The following LFNG variants were observed in gnomAD, a reference collection of about 807,000 sequenced individuals.
LFNG encodes LFNG O-fucosylpeptide 3-beta-N-acetylglucosaminyltransferase.
LFNG carries 15 observed loss-of-function variants against 32.7 expected under a neutral mutation model. That is an observed-to-expected ratio of 0.46 (90% CI 0.31 to 0.71). The LOEUF (loss-of-function observed/expected upper bound fraction) is 0.71, where lower values mean the gene tolerates loss of function less well. LFNG is among the 30% of genes least tolerant of loss of function. LFNG has a pLI of 0.06. For missense variants in LFNG, 520 were observed against 545.7 expected (o/e 0.95, Z 0.47); for synonymous variants, 274 against 246.8 (o/e 1.11, Z -1.03).
Position 2,520,195 on chromosome 7 carries a change from C to T in LFNG, c.334C>T (p.Pro112Ser). Residue 112 changes from proline to serine, a missense_variant, in exon 1 of 8, where the codon CCC becomes TCC. This residue lies in a region of LFNG where 360 missense variants were observed against 354.7 expected (regional missense o/e 1.01). Transcript: ENST00000222725. This position sits in a 1 kb window ranked among gnomAD's most constrained non-coding sequence, Gnocchi z 5.0. ...GCGCCCCCTGGCCGAGCCGCTCGCG[C>T]CCCGAGACGTCTTCATCGCTGTCAA... ...HPRPLAEPLAPRDVFIAVKTT... is the reference protein window; with the variant it reads ...HPRPLAEPLASRDVFIAVKTT... 2 of 1,594,004 alleles carry T rather than the reference C, an allele frequency of 1.3e-6. No individual in the cohort carries two copies. Among genetic ancestry groups the T allele is most frequent in the Non-Finnish European group, 8.5e-7 (1 of 1,171,420 alleles).
In LFNG at chr7:2,526,855, T is replaced by C. The variant is rs1235325847; in HGVS notation, c.1007T>C (p.Met336Thr). ...CCACAGGTGACGCTGAGCTACGGTA[T>C]GTTTGAAAACAAGCGGAACGCCGTC... The part of the protein sequence containing the change: ...LHEQVTLSYG[M>T]FENKRNAVHV... The change falls in exon 7 of 8, where the codon ATG (methionine) becomes ACG (threonine). Residue 336 changes from methionine (M) to threonine (T), a missense_variant. Physicochemically the swap from Met to Thr is moderately conservative, Grantham distance 81. This residue lies in a region of LFNG where 150 missense variants were observed against 159.9 expected (regional missense o/e 0.94). Coordinates refer to ENST00000222725, the MANE Select transcript of LFNG (RefSeq NM_001040167.2). The surrounding 1 kb of genome is among the most constrained non-coding windows in gnomAD (Gnocchi z 6.9). 6.2e-7 allele frequency: 1 copy of C among 1,612,122 alleles called. No individual in the cohort carries two copies. Among genetic ancestry groups the C allele is most frequent in the African/African-American group, 1.3e-5 (1 of 74,780 alleles).
Position 2,527,101 on chromosome 7 carries a change from C to A in LFNG, c.1074-45C>A. 5 of 1,585,864 alleles carry A rather than the reference C, an allele frequency of 3.2e-6. No individual in the cohort carries two copies. The highest frequency in any genetic ancestry group is 4.3e-6 in the Non-Finnish European group (5 of 1,156,918). ...TGGGACTGCAAATGGGAGCTCAGCA[C>A]CTGCCTGCCACCCACGCAGACCAGC... On this transcript the variant is annotated intron_variant, in intron 7 of 7. Coordinates refer to ENST00000222725, the MANE Select transcript of LFNG (RefSeq NM_001040167.2). The surrounding 1 kb of genome is among the most constrained non-coding windows in gnomAD (Gnocchi z 4.4).
rs772983783 is a variant in LFNG at position 2,527,109 on chromosome 7, C to T, written c.1074-37C>T. 8.8e-6 allele frequency: 14 copies of T among 1,595,200 alleles called. No individual in the cohort carries two copies. Among genetic ancestry groups the T allele is most frequent in the South Asian group, 3.3e-5 (3 of 90,708 alleles). The stretch of plus-strand genomic sequence containing the variant: ...CAAATGGGAGCTCAGCACCTGCCTG[C>T]CACCCACGCAGACCAGCCCCTGCTC... On this transcript the variant is annotated intron_variant, in intron 7 of 7. Coordinates refer to ENST00000222725, the MANE Select transcript of LFNG (RefSeq NM_001040167.2). The surrounding 1 kb of genome is among the most constrained non-coding windows in gnomAD (Gnocchi z 4.4).
rs777893462 is a variant in LFNG, at chr7:2,512,704, G to A, written c.47+3G>A. 5 of 1,613,530 alleles carry A rather than the reference G, an allele frequency of 3.1e-6. No individual in the cohort carries two copies. The South Asian group carries it at 4.4e-5, about 14-fold the overall frequency. Reference sequence around the variant, plus strand: ...AGGCTGGACACGTATTGTATGAGGTGGGCCTCAGGGTTGCTTTTCCTCCTA... The same window carrying A: ...AGGCTGGACACGTATTGTATGAGGTAGGCCTCAGGGTTGCTTTTCCTCCTA... On this transcript the variant is annotated splice_donor_region_variant and intron_variant, in intron 1 of 8. Coordinates refer to the LFNG transcript ENST00000402506.
At chr7:2,525,173 C>G (rs1005637135) in intron 2 of LFNG, 46 bp from the exon 3 acceptor site, 3 of 1,550,302 alleles carry the variant, frequency 1.9e-6, no homozygotes, top group Non-Finnish European at 2.7e-6. Flanking sequence ...AGGCCCCTCT[C>G]TGGGAGCCGG....
chr7:2,527,397 C>T lies in LFNG; in HGVS notation c.*185C>T. Reference sequence around the variant, plus strand: ...TAGCAGGCTGCTGGGCAGTTCTGCTCTGTGGAGGGGCGGGCACCAGCGCCA... The same window carrying T: ...TAGCAGGCTGCTGGGCAGTTCTGCTTTGTGGAGGGGCGGGCACCAGCGCCA... On this transcript the variant is annotated 3_prime_UTR_variant, in exon 8 of 8. Coordinates refer to ENST00000222725, the MANE Select transcript of LFNG (RefSeq NM_001040167.2). The surrounding 1 kb of genome is among the most constrained non-coding windows in gnomAD (Gnocchi z 4.4). The T allele has an allele frequency of 6.8e-7, 1 of 1,480,428 alleles. No individual in the cohort carries two copies. The highest frequency in any genetic ancestry group is 9.0e-7 in the Non-Finnish European group (1 of 1,116,016). 91.7% of individuals were successfully genotyped at this position (1,480,428 alleles called of 1,614,324 possible). A position where few individuals can be genotyped will look rare whatever the true frequency, so the allele number is the denominator to read the frequency against.
upstream of LFNG, chr7:2,517,671 A>C (rs560593947): frequency 7.4e-5 from 34 of 458,504 alleles, no homozygotes; most frequent in South Asian, 5.3e-4. Context: ...GCAGGGTGGC[A>C]TGGCACCCAC....
rs150935549 is a variant in LFNG, at chr7:2,527,332, G to GTGTGCGTGTGCA, written c.*130_*131insCATGTGCGTGTG. 6 of 1,526,278 alleles carry GTGTGCGTGTGCA rather than the reference G, an allele frequency of 3.9e-6. No individual in the cohort carries two copies. In the East Asian group the frequency reaches 7.4e-5, roughly 19 times the overall value. The allele number at this position is 1,526,278 out of a possible 1,614,324, so 94.5% of individuals were successfully genotyped here. A position where few individuals can be genotyped will look rare whatever the true frequency, so the allele number is the denominator to read the frequency against. On this transcript the variant is annotated 3_prime_UTR_variant, in exon 8 of 8. Transcript: ENST00000222725. This position sits in a 1 kb window ranked among gnomAD's most constrained non-coding sequence, Gnocchi z 4.4. ...CCTAGGGCCGTGCCTGTGCGTGTGC[G>GTGTGCGTGTGCA]TGTGCGTGTGTGTGTGTGTGTACTG... is the stretch of plus-strand genomic sequence containing the variant.
At chr7:2,524,940 GC>G (rs1015792633) in intron 2 of LFNG, among the ~76,000 whole-genome samples, 197 bp downstream of exon 2, 1 of 152,200 alleles carries the variant, frequency 6.6e-6, no homozygotes, top group African/African-American at 2.4e-5. Context: ...AGCCCATTCA[GC>G]CCCCCGGGTC....
chr7:2,518,656 A>T, upstream of LFNG: 1 of 1,591,456 alleles, frequency 6.3e-7, no homozygotes, highest in African/African-American at 1.3e-5. Context: ...TCAGGCGTGA[A>T]CATAACTCCG....
chr7:2,518,501 C>T (rs544588837), upstream of LFNG: 3 of 901,514 alleles, frequency 3.3e-6, no homozygotes, highest in African/African-American at 1.6e-5. Context: ...GACATTTATC[C>T]AGTGAATTTT....
chr7:2,519,330 T>G, upstream of LFNG, among the ~76,000 whole-genome samples: 1 of 152,038 alleles, frequency 6.6e-6, no homozygotes, highest in East Asian at 1.9e-4. Context: ...GAAGCCGTGC[T>G]CAGGAGGGGA....
At chr7:2,517,407 T>TA (rs2128374057), upstream of LFNG, among the ~76,000 whole-genome samples, 1 of 152,152 alleles carries the variant, frequency 6.6e-6, no homozygotes, top group South Asian at 2.1e-4. Flanking sequence ...GAACCCCCCC[T>TA]ACCCAGTTCT....
chr7:2,527,590 C>G lies in LFNG; in HGVS notation c.*378C>G. ...GGATGCGATGCGTAGGTGCCTTTCTCTTCCTGCTGACCACAAGCTCTGTGC... is the reference window on the plus strand; with the variant it reads ...GGATGCGATGCGTAGGTGCCTTTCTGTTCCTGCTGACCACAAGCTCTGTGC... On this transcript the variant is annotated 3_prime_UTR_variant, in exon 8 of 8. Coordinates refer to ENST00000222725, the MANE Select transcript of LFNG (RefSeq NM_001040167.2). The surrounding 1 kb of genome is among the most constrained non-coding windows in gnomAD (Gnocchi z 4.4). 2 of 1,198,384 alleles carry G rather than the reference C, an allele frequency of 1.7e-6. No homozygotes were observed. The highest frequency in any genetic ancestry group is 3.3e-5 in the South Asian group (2 of 61,146). The allele number at this position is 1,198,384 out of a possible 1,614,324, so 74.2% of individuals were successfully genotyped here.
At chr7:2,515,709 A>G (rs1025113792), upstream of LFNG, among the ~76,000 whole-genome samples, 1 of 152,244 alleles carries the variant, frequency 6.6e-6, no homozygotes, top group African/African-American at 2.4e-5. Context: ...CCATATCCCT[A>G]TTACAGAGTC....
chr7:2,527,697 A>G lies in LFNG; in HGVS notation c.*485A>G. ...CACTGAGCCATGCTCATTGCAGGGG[A>G]GGCTGGGTCTGGGGGTGCGTGACCC... On this transcript the variant is annotated 3_prime_UTR_variant, in exon 8 of 8. Transcript: ENST00000222725. This position sits in a 1 kb window ranked among gnomAD's most constrained non-coding sequence, Gnocchi z 4.4. The G allele has an allele frequency of 9.3e-7, 1 of 1,073,964 alleles. No homozygotes were observed. Among genetic ancestry groups the G allele is most frequent in the Non-Finnish European group, 1.1e-6 (1 of 881,018 alleles). The allele number at this position is 1,073,964 out of a possible 1,614,324, so 66.5% of individuals were successfully genotyped here.
chr7:2,517,470 T>G (rs1315367094), upstream of LFNG, among the ~76,000 whole-genome samples: 2 of 152,168 alleles, frequency 1.3e-5, no homozygotes, highest in Non-Finnish European at 2.9e-5. Flanking sequence ...GTCACTCCCT[T>G]GGTACAATAT....
chr7:2,514,773 T>A (rs1779572694), upstream of LFNG, among the ~76,000 whole-genome samples: 1 of 151,524 alleles, frequency 6.6e-6, no homozygotes, highest in South Asian at 2.1e-4. Context: ...CATCTGTCCA[T>A]TCATCCATGC....
At chr7:2,523,342 C>G (rs1459925068) in intron 1 of LFNG, among the ~76,000 whole-genome samples, 2 of 152,104 alleles carry the variant, frequency 1.3e-5, no homozygotes, top group African/African-American at 4.8e-5. Flanking sequence ...CCTGCCACCC[C>G]CTTAGCTCTG....
Sources: gnomAD v4.1 joint callset for allele counts (sites outside exome capture counted in the v4.1 genomes callset) on GRCh38, gnomAD v4.1.1 for gene constraint, gnomAD v4.1.1 regional missense constraint, Gnocchi (gnomAD v3.1) non-coding constraint, MANE v1.5 for transcripts, NCBI Gene and HGNC (gene_info 2026-07-23, HGNC 2026-07-21) for gene names.